The following CDKAL1 variants were observed in gnomAD, a reference collection of about 807,000 sequenced individuals.
The protein encoded by CDKAL1 is threonylcarbamoyladenosine tRNA methylthiotransferase.
A neutral mutation model predicts 68.2 loss-of-function variants in CDKAL1; 32 were observed. The observed-to-expected ratio is 0.47, with a 90% CI of 0.35 to 0.63. CDKAL1 has a LOEUF of 0.63. CDKAL1 is among the 30% of genes least tolerant of loss of function. The probability of loss-of-function intolerance (pLI) is 0.00; values close to 1 mark genes in which losing one functional copy is unlikely to be tolerated. For missense variants in CDKAL1, 606 were observed against 696.7 expected (o/e 0.87, Z 1.47); for synonymous variants, 234 against 244.3 (o/e 0.96, Z 0.39).
At chr6:20,889,868 T>G (rs1761295956) in intron 9 of CDKAL1, among the ~76,000 whole-genome samples, 1 of 152,154 alleles carries the variant, frequency 6.6e-6, no homozygotes, top group Non-Finnish European at 1.5e-5. Context: ...CATATGAACT[T>G]TAAAGTAGTT....
At chr6:20,659,188 C>T (rs1769169936) in intron 5 of CDKAL1, among the ~76,000 whole-genome samples, 1 of 152,040 alleles carries the variant, frequency 6.6e-6, no homozygotes, top group African/African-American at 2.4e-5. Context: ...TAAAAAATCA[C>T]AGGGTTTTGA....
At chr6:21,203,047 T>G (rs181561209) in intron 15 of CDKAL1, among the ~76,000 whole-genome samples, 4 of 151,856 alleles carry the variant, frequency 2.6e-5, no homozygotes, top group Admixed American at 2.0e-4. Context: ...TTTTGTTGGT[T>G]CTTGTTTGTT....
intron 8 of CDKAL1, among the ~76,000 whole-genome samples, chr6:20,810,834 C>T (rs762316112): frequency 2.6e-5 from 4 of 151,892 alleles, no homozygotes; most frequent in South Asian, 4.2e-4. Context: ...CTTGTTCATT[C>T]GCCCTCTTTA....
rs531774778 is a variant in CDKAL1 at position 20,730,889 on chromosome 6, C to T, written c.372-8630C>T. Among the ~76,000 whole-genome samples, 44 of 150,078 alleles carry T rather than the reference C, an allele frequency of 2.9e-4. No individual in the cohort carries two copies. In the South Asian group the frequency reaches 8.1e-3, roughly 28 times the overall value. On this transcript the variant is annotated intron_variant, in intron 5 of 15. Transcript: ENST00000274695. ...GAGAAGGAGAAATAAAGCAGGGAAG[C>T]AGCCAGTGGTGTTGCTGTGGAGTAT...
chr6:21,176,682 G>GTTTTTTTTTTT (rs777506511), intron 13 of CDKAL1, among the ~76,000 whole-genome samples: 2 of 119,870 alleles, frequency 1.7e-5, no homozygotes, highest in African/African-American at 3.3e-5. Context: ...CTGGATGTTG[G>GTTTTTTTTTTT]TTTTTTTTTT....
intron 8 of CDKAL1, among the ~76,000 whole-genome samples, chr6:20,819,103 A>G (rs1212064610): frequency 1.3e-5 from 2 of 152,090 alleles, no homozygotes; most frequent in African/African-American, 2.4e-5. Flanking sequence ...CCATTTTCAC[A>G]TGGTATTTTT....
chr6:20,766,291 A>T lies in CDKAL1; in HGVS notation c.517+7648A>T, dbSNP rs146911159. ...GTATTTCTCTAACTTTTGATTTCTT[A>T]ATTCTGGGGTTTTGGTGGGGTGAGC... On this transcript the variant is annotated intron_variant, in intron 7 of 15. Transcript: ENST00000274695. Among the ~76,000 whole-genome samples, 3 of 152,140 alleles carry T rather than the reference A, an allele frequency of 2.0e-5. No homozygotes were observed. The South Asian group carries it at 6.2e-4, about 32-fold the overall frequency.
At chr6:20,618,189 G>C (rs144885161) in intron 4 of CDKAL1, among the ~76,000 whole-genome samples, 1 of 152,182 alleles carries the variant, frequency 6.6e-6, no homozygotes, top group East Asian at 1.9e-4. Flanking sequence ...ATTTTTTCAT[G>C]TGTCTGTTGG....
intron 10 of CDKAL1, among the ~76,000 whole-genome samples, chr6:20,962,488 G>T (rs968420745): frequency 2.0e-5 from 3 of 152,126 alleles, no homozygotes; most frequent in African/African-American, 4.8e-5. Context: ...ACCTGTCAAG[G>T]ACTTTTGTTG....
rs1182704962 is a variant in CDKAL1, at chr6:20,810,400, A to T, written c.638+29135A>T. On this transcript the variant is annotated intron_variant, in intron 8 of 15. Coordinates refer to ENST00000274695, the MANE Select transcript of CDKAL1 (RefSeq NM_017774.3). ...CTCTCTCTCTCTCTCTGTCACACAC[A>T]CACACACACACACACACACACACAC... Among the ~76,000 whole-genome samples the T allele has an allele frequency of 3.4e-3, 51 of 14,946 alleles. 1 individual carries two copies. Among genetic ancestry groups the T allele is most frequent in the East Asian group, 0.024 (6 of 248 alleles). The allele number at this position is 14,946 out of a possible 152,430, so 9.8% of individuals were successfully genotyped here.
chr6:20,835,771 A>T (rs1777912918), intron 8 of CDKAL1, among the ~76,000 whole-genome samples: 1 of 151,924 alleles, frequency 6.6e-6, no homozygotes, highest in Non-Finnish European at 1.5e-5. Context: ...GCTGATCTTG[A>T]ACTGCTGACC....
chr6:20,825,625 A>G (rs573749266), intron 8 of CDKAL1, among the ~76,000 whole-genome samples: 3 of 152,138 alleles, frequency 2.0e-5, no homozygotes, highest in Non-Finnish European at 2.9e-5. Context: ...ATGAACTTTT[A>G]AAGTATGGTT....
At chr6:20,638,744 A>G (rs550419006) in intron 4 of CDKAL1, among the ~76,000 whole-genome samples, 3 of 100,064 alleles carry the variant, frequency 3.0e-5, no homozygotes, top group African/African-American at 1.1e-4. Flanking sequence ...TGGGATTACA[A>G]ACGCGCGCCA....
At chr6:21,158,889 A>G (rs1166055390) in intron 13 of CDKAL1, among the ~76,000 whole-genome samples, 1 of 152,328 alleles carries the variant, frequency 6.6e-6, no homozygotes, top group South Asian at 2.1e-4. Context: ...TTAGAAACAT[A>G]TATGTACCTA....
chr6:21,175,186 G>T (rs1478422296), intron 13 of CDKAL1, among the ~76,000 whole-genome samples: 1 of 152,136 alleles, frequency 6.6e-6, no homozygotes, highest in Non-Finnish European at 1.5e-5. Context: ...TCCAAGATAT[G>T]GCAGAGCTGA....
At chr6:21,018,662 A>G (rs1768469097) in intron 11 of CDKAL1, among the ~76,000 whole-genome samples, 1 of 152,230 alleles carries the variant, frequency 6.6e-6, no homozygotes, top group Non-Finnish European at 1.5e-5. Flanking sequence ...TGTTGATAAA[A>G]TTAACTATTT....
chr6:20,572,211 G>A (rs930998468), intron 4 of CDKAL1, among the ~76,000 whole-genome samples: 3 of 152,152 alleles, frequency 2.0e-5, no homozygotes, highest in Non-Finnish European at 4.4e-5. Flanking sequence ...TTATTAGGCA[G>A]CAAGAGTAAG....
chr6:20,771,071 A>G (rs1379052709), intron 7 of CDKAL1, among the ~76,000 whole-genome samples: 2 of 152,172 alleles, frequency 1.3e-5, no homozygotes, highest in Non-Finnish European at 2.9e-5. Flanking sequence ...CAGAAGTCAA[A>G]GTAGTGGCTC....
chr6:20,922,415 A>G (rs1762999143), intron 9 of CDKAL1, among the ~76,000 whole-genome samples: 1 of 152,122 alleles, frequency 6.6e-6, no homozygotes. Flanking sequence ...AAAACAATGA[A>G]CTCACCTAAG....
Sources: allele counts gnomAD v4.1 joint callset (sites outside exome capture counted in the v4.1 genomes callset), GRCh38; gene constraint gnomAD v4.1.1; transcripts MANE v1.5; gene names NCBI Gene and HGNC (gene_info 2026-07-23, HGNC 2026-07-21).